The following MARCHF1 variants were observed in gnomAD, a reference collection of about 807,000 sequenced individuals.
The protein encoded by MARCHF1 is E3 ubiquitin-protein ligase MARCHF1.
Under a neutral mutation model 54.2 loss-of-function variants are expected in MARCHF1, and 40 were observed. The ratio of observed to expected loss-of-function variants is 0.74; its 90% CI spans 0.57 to 0.96. The LOEUF (loss-of-function observed/expected upper bound fraction) is 0.96, where lower values mean the gene tolerates loss of function less well. MARCHF1 is among the 40% of genes least tolerant of loss of function. The pLI, the probability that MARCHF1 is intolerant of heterozygous loss-of-function variation, is 0.00. For missense variants in MARCHF1, 586 were observed against 656.5 expected (o/e 0.89, Z 1.17); for synonymous variants, 236 against 236.3 (o/e 1.00, Z 0.01).
chr4:164,088,562 ACT>A (rs932833507), intron 2 of MARCHF1, among the ~76,000 whole-genome samples: 5 of 151,998 alleles, frequency 3.3e-5, no homozygotes, highest in Non-Finnish European at 4.4e-5. Flanking sequence ...ACATGGCAAA[ACT>A]CTGTCTCTAC....
intron 5 of MARCHF1, among the ~76,000 whole-genome samples, chr4:163,621,106 T>G (rs993035679): frequency 6.6e-6 from 1 of 152,168 alleles, no homozygotes; most frequent in Non-Finnish European, 1.5e-5. Flanking sequence ...ATGAAATCAT[T>G]GATCTGATAA....
chr4:164,240,604 G>C (rs1732712086), intron 1 of MARCHF1, among the ~76,000 whole-genome samples: 1 of 151,854 alleles, frequency 6.6e-6, no homozygotes, highest in Non-Finnish European at 1.5e-5. Flanking sequence ...CTTATCTTAG[G>C]TCCCACCAAC....
chr4:164,141,946 G>GGTCAGTGGGTGGGCA (rs1756549152), intron 1 of MARCHF1, among the ~76,000 whole-genome samples: 1 of 148,610 alleles, frequency 6.7e-6, no homozygotes, highest in African/African-American at 2.6e-5. Context: ...GACAGTGGGC[G>GGTCAGTGGGTGGGCA]CAGGTCAGTG....
At chr4:164,033,858 C>T (rs1057266658) in intron 2 of MARCHF1, among the ~76,000 whole-genome samples, 1 of 152,098 alleles carries the variant, frequency 6.6e-6, no homozygotes, top group Non-Finnish European at 1.5e-5. Context: ...TTGTGGAAGA[C>T]AGTGTGGTGA....
chr4:164,008,798 A>G (rs1451052438), intron 2 of MARCHF1, among the ~76,000 whole-genome samples: 1 of 152,130 alleles, frequency 6.6e-6, no homozygotes, highest in Non-Finnish European at 1.5e-5. Context: ...GAAAAGGAAT[A>G]TAACATACCA....
At chr4:163,872,161 G>A (rs1022429482) in intron 3 of MARCHF1, among the ~76,000 whole-genome samples, 4 of 152,204 alleles carry the variant, frequency 2.6e-5, no homozygotes, top group African/African-American at 9.7e-5. Flanking sequence ...ATAACCAGAG[G>A]TAGCCTGCAT....
intron 5 of MARCHF1, among the ~76,000 whole-genome samples, chr4:163,617,354 T>C (rs1218460731): frequency 6.6e-6 from 1 of 152,146 alleles, no homozygotes; most frequent in Admixed American, 6.5e-5. Context: ...TAGTTTACTG[T>C]ATATTTTCAA....
At chr4:163,846,837 G>T (rs972190119) in intron 4 of MARCHF1, among the ~76,000 whole-genome samples, 1 of 152,012 alleles carries the variant, frequency 6.6e-6, no homozygotes, top group African/African-American at 2.4e-5. Flanking sequence ...TCTTACTTTT[G>T]CTCAGTTCAT....
chr4:164,110,572 C>T (rs1034178025), intron 2 of MARCHF1, among the ~76,000 whole-genome samples: 1 of 151,642 alleles, frequency 6.6e-6, no homozygotes, highest in African/African-American at 2.4e-5. Flanking sequence ...TGATGAAGGG[C>T]ACTTGTAATG....
At chr4:164,240,925 G>C (rs1385059462) in intron 1 of MARCHF1, among the ~76,000 whole-genome samples, 1 of 152,220 alleles carries the variant, frequency 6.6e-6, no homozygotes, top group African/African-American at 2.4e-5. Flanking sequence ...TGCATTTTTA[G>C]GCAATAACCA....
At chr4:164,360,007 A>T (rs1278079786) in intron 1 of MARCHF1, among the ~76,000 whole-genome samples, 1 of 151,934 alleles carries the variant, frequency 6.6e-6, no homozygotes, top group Non-Finnish European at 1.5e-5. Flanking sequence ...GGCCGTGTGA[A>T]CCCCACCCCC....
At chr4:163,883,347 ATTT>A (rs11398171) in intron 3 of MARCHF1, among the ~76,000 whole-genome samples, 3 of 138,292 alleles carry the variant, frequency 2.2e-5, no homozygotes, top group Non-Finnish European at 3.1e-5. Context: ...CTACGGATGT[ATTT>A]TTTTTTTTTT....
chr4:164,358,936 C>T (rs1317784087), intron 1 of MARCHF1, among the ~76,000 whole-genome samples: 1 of 151,900 alleles, frequency 6.6e-6, no homozygotes, highest in Non-Finnish European at 1.5e-5. Flanking sequence ...ATTTTTATAG[C>T]AATGATGTTT....
intron 5 of MARCHF1, among the ~76,000 whole-genome samples, chr4:163,642,048 G>A (rs1046007394): frequency 4.6e-5 from 7 of 152,100 alleles, no homozygotes; most frequent in Admixed American, 2.0e-4. Flanking sequence ...TTCAGTGATC[G>A]TATTGTTTAG....
At chr4:164,224,848 A>T (rs1046481818) in intron 1 of MARCHF1, among the ~76,000 whole-genome samples, 2 of 152,128 alleles carry the variant, frequency 1.3e-5, no homozygotes, top group Admixed American at 6.6e-5. Flanking sequence ...ATACAAAAAA[A>T]GGAGAAAGAG....
In MARCHF1 at chr4:164,091,410, T is replaced by TTATATATATATA. The variant is rs1553980469; in HGVS notation, c.-248+20166_-248+20177dup. ...AACAGGGGATAATTTTCACCAAGTT[T>TTATATATATATA]TATATATATATATATATATGTATAA... On this transcript the variant is annotated intron_variant, in intron 2 of 9. Transcript: ENST00000514618. Among the ~76,000 whole-genome samples the TTATATATATATA allele has an allele frequency of 3.2e-3, 439 of 136,890 alleles. 2 individuals are homozygous for TTATATATATATA. The highest frequency in any genetic ancestry group is 7.4e-3 in the African/African-American group (273 of 36,742). The allele number at this position is 136,890 out of a possible 152,430, so 89.8% of individuals were successfully genotyped here.
intron 4 of MARCHF1, among the ~76,000 whole-genome samples, chr4:163,748,492 G>C (rs966209407): frequency 1.3e-5 from 2 of 152,056 alleles, no homozygotes; most frequent in South Asian, 4.1e-4. Context: ...GGGATAGCTG[G>C]TATTGATTCA....
At chr4:164,138,888 T>C (rs1288963432) in intron 1 of MARCHF1, among the ~76,000 whole-genome samples, 1 of 152,166 alleles carries the variant, frequency 6.6e-6, no homozygotes, top group African/African-American at 2.4e-5. Context: ...AAAAAAAGTA[T>C]TCTGAAATAC....
chr4:163,537,738 TAGAA>T (rs1188259320), intron 9 of MARCHF1, among the ~76,000 whole-genome samples: 2 of 152,196 alleles, frequency 1.3e-5, no homozygotes, highest in African/African-American at 2.4e-5. Context: ...TCTGAGGAAA[TAGAA>T]AGCTACTGTA....
Sources: gnomAD v4.1 joint callset for allele counts (sites outside exome capture counted in the v4.1 genomes callset) on GRCh38, gnomAD v4.1.1 for gene constraint, MANE v1.5 for transcripts, NCBI Gene and HGNC (gene_info 2026-07-23, HGNC 2026-07-21) for gene names.